Variants in STRIP1 observed in about 807,000 individuals in gnomAD.
STRIP1 encodes the protein striatin-interacting protein 1.
Under a neutral mutation model 106.2 loss-of-function variants are expected in STRIP1, and 63 were observed. The ratio of observed to expected loss-of-function variants is 0.59; its 90% confidence interval spans 0.48 to 0.73. STRIP1 has a LOEUF of 0.73. STRIP1 is among the 30% of genes least tolerant of loss of function. The probability of loss-of-function intolerance (pLI) is 0.00; values close to 1 mark genes in which losing one functional copy is unlikely to be tolerated. For synonymous variants in STRIP1, 390 were observed against 413.0 expected, an observed-to-expected ratio of 0.94 and a Z score of 0.67; for missense variants, 857 against 1,074.8, an observed-to-expected ratio of 0.80 and a Z score of 2.83.
chr1:110,037,954 C>T lies in STRIP1; in HGVS notation c.244C>T (p.Leu82Phe). 2 of 1,610,404 alleles carry T rather than the reference C, an allele frequency of 1.2e-6. No individual in the cohort carries two copies. The highest frequency in any genetic ancestry group is 1.7e-6 in the Non-Finnish European group (2 of 1,177,170). Residue 82 changes from leucine to phenylalanine, a missense_variant, in exon 2 of 21, where the codon CTC (leucine) becomes TTC (phenylalanine). Transcript: ENST00000369795. ...YADTDKWAAE[L>F]SELYSYTEGP... ...TGACACAGACAAGTGGGCTGCAGAG[C>T]TCTCGGGTAACGCACAGACCTTTGT...
Position 110,043,290 on chromosome 1 carries a change from C to G in STRIP1, c.1068+20C>G. 1 of 1,606,002 alleles carries G rather than the reference C, an allele frequency of 6.2e-7. No individual in the cohort carries two copies. On this transcript the variant is annotated intron_variant, in intron 9 of 20. Transcript: ENST00000369795. ...CACAAGGTGAGGACGACAGAGGTCCCTGTGACTCCTGAGGGCCCTCAAGGT... is the reference window on the plus strand; with the variant it reads ...CACAAGGTGAGGACGACAGAGGTCCGTGTGACTCCTGAGGGCCCTCAAGGT...
intron 2 of STRIP1, 124 bp downstream of exon 2, chr1:110,038,084 A>G (rs796345784): frequency 0.16 from 22,571 of 137,450 alleles, 2,655 homozygotes; most frequent in South Asian, 0.46. Flanking sequence ...ATATATATAT[A>G]TATATATATA....
At chr1:110,050,483 A>G (rs1045024885) in intron 18 of STRIP1, 74 bp downstream of exon 18, 16 of 1,379,914 alleles carry the variant, frequency 1.2e-5, no homozygotes, top group African/African-American at 2.9e-5. Context: ...CTACCCCAAC[A>G]CTGCAGGAAT....
chr1:110,039,000 C>A, intron 3 of STRIP1, 172 bp from the exon 4 acceptor site: 2 of 822,126 alleles, frequency 2.4e-6, no homozygotes, highest in Non-Finnish European at 3.8e-6. Context: ...AAAATACCAG[C>A]GTTTCAGTTT....
upstream of STRIP1, among the ~76,000 whole-genome samples, chr1:110,033,594 T>C (rs911054806): frequency 1.3e-5 from 2 of 152,194 alleles, no homozygotes; most frequent in African/African-American, 4.8e-5. Context: ...AGAGCATGTG[T>C]GCCAGCTCAG....
chr1:110,043,425 G>C (rs546458127), intron 9 of STRIP1, among the ~76,000 whole-genome samples, 155 bp downstream of exon 9: 3 of 152,196 alleles, frequency 2.0e-5, no homozygotes, highest in Non-Finnish European at 4.4e-5. Flanking sequence ...CCCCAGCTCT[G>C]GTCCAGTGTA....
At chr1:110,040,828 A>G in intron 6 of STRIP1, 125 bp downstream of exon 6, 1 of 763,330 alleles carries the variant, frequency 1.3e-6, no homozygotes, top group Admixed American at 3.0e-5. Context: ...TGCATGTGTG[A>G]TGGGCTCAGT....
chr1:110,050,146 G>A, intron 17 of STRIP1, 197 bp from the exon 18 acceptor site: 1 of 579,082 alleles, frequency 1.7e-6, no homozygotes, highest in Non-Finnish European at 3.1e-6. Flanking sequence ...GGCTACAGGG[G>A]TGCTTTACAA....
At chr1:110,045,545 A>G (rs1652981019) in intron 12 of STRIP1, 1 of 154,608 alleles carries the variant, frequency 6.5e-6, no homozygotes, top group Non-Finnish European at 1.4e-5. Context: ...AAAGAGCTCA[A>G]TAAATAGCCC....
At chr1:110,039,891 T>A in intron 5 of STRIP1, 1 of 1,295,060 alleles carries the variant, frequency 7.7e-7, no homozygotes, top group South Asian at 1.2e-5. Flanking sequence ...ACATATGGGC[T>A]CAACCAGTGC....
Position 110,043,768 on chromosome 1 carries a change from C to G in STRIP1, c.1198C>G (p.Arg400Gly). The G allele has an allele frequency of 6.2e-7, 1 of 1,614,144 alleles. No homozygotes were observed. The highest frequency in any genetic ancestry group is 8.5e-7 in the Non-Finnish European group (1 of 1,180,002). Reference protein sequence around the residue: ...SLEGETFPLERDEVMPPPLQH... With the variant: ...SLEGETFPLEGDEVMPPPLQH... ...GGAGGGGGAGACGTTTCCCCTGGAA[C>G]GGGATGAAGTGATGCCTCCCCCGCT... The change falls in exon 10 of 21, where the codon CGG becomes GGG. Residue 400 changes from arginine (R) to glycine (G), a missense_variant. By Grantham distance (125) the Arg-to-Gly change is moderately radical. Around this residue, in one of 2 missense-constraint regions of STRIP1, gnomAD observed 750 missense variants for 989.8 expected, o/e 0.76. Transcript: ENST00000369795.
rs1653433758 is a variant in STRIP1, at chr1:110,054,196, G to C, written c.*284G>C. The C allele has an allele frequency of 2.5e-6, 1 of 394,900 alleles. No homozygotes were observed. Among genetic ancestry groups the C allele is most frequent in the African/African-American group, 2.0e-5 (1 of 49,466 alleles). 24.5% of individuals were successfully genotyped at this position (394,900 alleles called of 1,614,324 possible). On this transcript the variant is annotated 3_prime_UTR_variant, in exon 21 of 21. Transcript: ENST00000369795. The stretch of plus-strand genomic sequence containing the variant: ...TTGGTTTTGGCTCATTTCACAATCA[G>C]CCCAAGGCTGGGAAAGCTGGAATGG...
Position 110,043,857 on chromosome 1 carries a change from G to A in STRIP1, c.1286+1G>A. 6.2e-7 allele frequency: 1 copy of A among 1,613,102 alleles called. No homozygotes were observed. The highest frequency in any genetic ancestry group is 8.5e-7 in the Non-Finnish European group (1 of 1,179,490). On this transcript the variant is annotated splice_donor_variant, in intron 10 of 20. Coordinates refer to ENST00000369795, the MANE Select transcript of STRIP1 (RefSeq NM_033088.4). LOFTEE classifies it high-confidence loss of function. ...GGCTCCCGTGGGCTCCCAAGGTCAG[G>A]TGAGTCTCAGACCTCCAGAGCACTC...
chr1:110,037,611 G>A (rs1358676222), intron 1 of STRIP1, among the ~76,000 whole-genome samples: 1 of 152,200 alleles, frequency 6.6e-6, no homozygotes. Context: ...GCTGGACCTT[G>A]TGAAATCATT....
At chr1:110,039,771 G>C (rs1277666748) in intron 5 of STRIP1, 1 of 1,293,826 alleles carries the variant, frequency 7.7e-7, no homozygotes, top group Non-Finnish European at 1.0e-6. Flanking sequence ...CCCAGGCCTG[G>C]GGTGCTCCTC....
chr1:110,051,631 A>T, intron 19 of STRIP1, 52 bp from the exon 20 acceptor site: 1 of 1,510,562 alleles, frequency 6.6e-7, no homozygotes, highest in East Asian at 2.4e-5. Flanking sequence ...CCTGGGATGT[A>T]TGCATTTATT....
At position 110,047,514 on chromosome 1, in the gene STRIP1, T is replaced by C. The variant is rs1557794072; in HGVS notation, c.1489-28T>C. 7 of 1,589,638 alleles carry C rather than the reference T, an allele frequency of 4.4e-6. No homozygotes were observed. In the South Asian group the frequency reaches 7.9e-5, roughly 18 times the overall value. On this transcript the variant is annotated intron_variant, in intron 13 of 20. Transcript: ENST00000369795. ...AGGAGATTGTATTCTGGGCTGGGGT[T>C]TTATGCTTGTACTCATTATGTTAAA...
chr1:110,042,641 C>T (rs903258350), intron 8 of STRIP1, among the ~76,000 whole-genome samples: 1 of 152,206 alleles, frequency 6.6e-6, no homozygotes, highest in Non-Finnish European at 1.5e-5. Context: ...ATGTTGCTGG[C>T]GTTTCTGCTT....
At chr1:110,052,763 C>T (rs1188465299) in intron 20 of STRIP1, among the ~76,000 whole-genome samples, 1 of 152,142 alleles carries the variant, frequency 6.6e-6, no homozygotes, top group Non-Finnish European at 1.5e-5. Context: ...ATCCACTGTG[C>T]CCAGCCTTCT....
Sources: gnomAD v4.1 joint callset for allele counts (sites outside exome capture counted in the v4.1 genomes callset) on GRCh38, gnomAD v4.1.1 for gene constraint, gnomAD v4.1.1 regional missense constraint, MANE v1.5 for transcripts, NCBI Gene and HGNC (gene_info 2026-07-23, HGNC 2026-07-21) for gene names.